NUB1: variants seen among roughly 807,000 people sequenced by gnomAD.
NUB1 encodes NEDD8 ultimate buster 1.
NUB1 carries 41 observed loss-of-function variants against 77.1 expected under a neutral mutation model. That is an observed-to-expected ratio of 0.53 (90% CI 0.41 to 0.69). The LOEUF (loss-of-function observed/expected upper bound fraction) is 0.69. Ranked by LOEUF, NUB1 falls within the 30% of genes least tolerant of loss-of-function variation. The probability of loss-of-function intolerance (pLI) is 0.00; values close to 1 mark genes in which losing one functional copy is unlikely to be tolerated. For synonymous variants in NUB1, 257 were observed against 281.0 expected, an observed-to-expected ratio of 0.91 and a Z score of 0.85; for missense variants, 643 against 743.8, an observed-to-expected ratio of 0.86 and a Z score of 1.58.
At chr7:151,366,723 CCTGATTT>C (rs959262225) in intron 8 of NUB1, among the ~76,000 whole-genome samples, 7 of 152,176 alleles carry the variant, frequency 4.6e-5, no homozygotes, top group African/African-American at 1.7e-4. Context: ...ATTCCTAAGC[CCTGATTT>C]CTGATTTCTC....
At chr7:151,352,088 A>G in intron 4 of NUB1, 3 of 456,668 alleles carry the variant, frequency 6.6e-6, no homozygotes, top group African/African-American at 2.0e-5. Flanking sequence ...TTTGGTCTAC[A>G]TCAGGGCTGT....
intron 1 of NUB1, among the ~76,000 whole-genome samples, chr7:151,345,039 CT>C (rs1463975694): frequency 1.3e-5 from 2 of 152,286 alleles, no homozygotes; most frequent in East Asian, 3.9e-4. Flanking sequence ...AGGGATTTAT[CT>C]TTCTCTTATT....
rs189335490 is a variant in NUB1 at position 151,373,657 on chromosome 7, T to C, written c.1249-440T>C. On this transcript the variant is annotated intron_variant, in intron 11 of 14. Coordinates refer to ENST00000568733, the MANE Select transcript of NUB1 (RefSeq NM_001243351.2). ...CCCTGATTCCACATCACATTTTAACTTGAATCCCTGGGCGATTCATCGAAG... is the reference window on the plus strand; with the variant it reads ...CCCTGATTCCACATCACATTTTAACCTGAATCCCTGGGCGATTCATCGAAG... Among the ~76,000 whole-genome samples the C allele has an allele frequency of 1.6e-3, 246 of 152,328 alleles. 1 individual carries two copies. The highest frequency in any genetic ancestry group is 5.4e-3 in the African/African-American group (223 of 41,574).
chr7:151,349,052 T>C (rs1261549475), intron 2 of NUB1, 21 bp from the exon 3 acceptor site: 1 of 1,592,908 alleles, frequency 6.3e-7, no homozygotes. Flanking sequence ...CAGTATTGCA[T>C]TTTCTGATTT....
At chr7:151,374,416 C>T (rs1165233640) in intron 12 of NUB1, 173 bp downstream of exon 12, 1 of 818,974 alleles carries the variant, frequency 1.2e-6, no homozygotes, top group Non-Finnish European at 2.0e-6. Flanking sequence ...CTGCGTGAGG[C>T]CACGTGAGGC....
At chr7:151,365,515 G>A (rs775673769) in intron 8 of NUB1, among the ~76,000 whole-genome samples, 1 of 152,178 alleles carries the variant, frequency 6.6e-6, no homozygotes, top group East Asian at 1.9e-4. Flanking sequence ...GCTTTCCTGC[G>A]AGTGGCAGGA....
At chr7:151,359,095 T>G (rs1043439571) in intron 7 of NUB1, among the ~76,000 whole-genome samples, 2 of 147,788 alleles carry the variant, frequency 1.4e-5, no homozygotes, top group African/African-American at 5.0e-5. Context: ...AAATTTGTTT[T>G]GGAAATACTA....
intron 10 of NUB1, 118 bp downstream of exon 10, chr7:151,368,086 G>C: frequency 1.6e-6 from 1 of 627,216 alleles, no homozygotes; most frequent in African/African-American, 1.8e-5. Flanking sequence ...CTTTCTCCGT[G>C]CACAGGAGAT....
intron 14 of NUB1, 23 bp downstream of exon 14, chr7:151,376,834 C>A (rs1342302502): frequency 5.1e-6 from 8 of 1,555,726 alleles, no homozygotes; most frequent in Non-Finnish European, 7.0e-6. Context: ...TCTTTGAGGG[C>A]CGCATTGAGA....
intron 8 of NUB1, chr7:151,360,802 T>A (rs989710823): frequency 6.6e-6 from 1 of 152,034 alleles, no homozygotes; most frequent in African/African-American, 2.4e-5. Context: ...GCCCAGATAA[T>A]TTTTTTGTAT....
At chr7:151,374,411 T>G (rs1798111189) in intron 12 of NUB1, 168 bp downstream of exon 12, 5 of 814,718 alleles carry the variant, frequency 6.1e-6, no homozygotes, top group Non-Finnish European at 1.0e-5. Context: ...ACAGGCTGCG[T>G]GAGGCCACGT....
chr7:151,367,969 G>GT lies in NUB1; in HGVS notation c.1095+2dup. On this transcript the variant is annotated splice_donor_variant, in intron 10 of 14. Coordinates refer to ENST00000568733, the MANE Select transcript of NUB1 (RefSeq NM_001243351.2). LOFTEE classifies it high-confidence loss of function. ...AGAGGCTTATGAGTATCTTAACAAG[G>GT]TAAGAAAAGTAAAGTTGTAACCAAT... The GT allele has an allele frequency of 1.3e-6, 2 of 1,519,856 alleles. No individual in the cohort carries two copies. The highest frequency in any genetic ancestry group is 1.8e-6 in the Non-Finnish European group (2 of 1,121,332). The allele number at this position is 1,519,856 out of a possible 1,614,324, so 94.1% of individuals were successfully genotyped here.
At chr7:151,353,723 A>C (rs973333438) in intron 5 of NUB1, among the ~76,000 whole-genome samples, 4 of 152,246 alleles carry the variant, frequency 2.6e-5, no homozygotes, top group Non-Finnish European at 5.9e-5. Flanking sequence ...TGGGGAGACC[A>C]GTTAGCTACT....
intron 8 of NUB1, among the ~76,000 whole-genome samples, chr7:151,366,362 T>C (rs562257448): frequency 6.6e-6 from 1 of 152,228 alleles, no homozygotes; most frequent in Non-Finnish European, 1.5e-5. Flanking sequence ...AGCTGAGGCA[T>C]TCATAGTACG....
chr7:151,345,891 T>C (rs1796482372), intron 2 of NUB1, among the ~76,000 whole-genome samples: 1 of 152,204 alleles, frequency 6.6e-6, no homozygotes, highest in Non-Finnish European at 1.5e-5. Flanking sequence ...TCACTATCAG[T>C]GTTCATTTTT....
At chr7:151,350,762 G>A (rs909806611) in intron 3 of NUB1, among the ~76,000 whole-genome samples, 6 of 152,246 alleles carry the variant, frequency 3.9e-5, no homozygotes, top group Admixed American at 2.0e-4. Context: ...TGGGTGGCTT[G>A]CCGCCCACAT....
At chr7:151,353,415 G>T (rs1796910116) in intron 5 of NUB1, among the ~76,000 whole-genome samples, 1 of 152,142 alleles carries the variant, frequency 6.6e-6, no homozygotes, top group South Asian at 2.1e-4. Context: ...GACATTTGTG[G>T]TGCTTATAAC....
At chr7:151,369,806 T>C (rs1797876003) in intron 11 of NUB1, among the ~76,000 whole-genome samples, 1 of 152,208 alleles carries the variant, frequency 6.6e-6, no homozygotes, top group South Asian at 2.1e-4. Flanking sequence ...TTCACATGTA[T>C]GTTACCTCGT....
chr7:151,364,065 A>G (rs1797518524), intron 8 of NUB1, among the ~76,000 whole-genome samples: 1 of 149,376 alleles, frequency 6.7e-6, no homozygotes, highest in Non-Finnish European at 1.5e-5. Context: ...AAGTGCTGGG[A>G]TTACAGGTGT....
Sources: allele counts gnomAD v4.1 joint callset (sites outside exome capture counted in the v4.1 genomes callset), GRCh38; gene constraint gnomAD v4.1.1; transcripts MANE v1.5; gene names NCBI Gene and HGNC (gene_info 2026-07-23, HGNC 2026-07-21).